The following RPS6KA2 variants were observed in gnomAD, a reference collection of about 807,000 sequenced individuals.
The protein encoded by RPS6KA2 is ribosomal protein S6 kinase alpha-2.
In RPS6KA2, 42 loss-of-function variants were observed where a neutral mutation model predicts 91.8. The observed-to-expected ratio is 0.46, with a 90% CI of 0.36 to 0.59. The LOEUF (loss-of-function observed/expected upper bound fraction) is 0.59, where lower values mean the gene tolerates loss of function less well. RPS6KA2 is among the 20% of genes least tolerant of loss of function. RPS6KA2 has a pLI of 0.00. For missense variants in RPS6KA2, 798 were observed against 978.5 expected (o/e 0.82, Z 2.46); for synonymous variants, 414 against 393.6 (o/e 1.05, Z -0.61).
At chr6:166,855,111 A>G (rs940376970) in intron 2 of RPS6KA2, among the ~76,000 whole-genome samples, 3 of 152,222 alleles carry the variant, frequency 2.0e-5, no homozygotes, top group African/African-American at 7.2e-5. Context: ...GTTCTCACTT[A>G]TAAGTGGGAC....
At chr6:166,684,110 C>T (rs1229761556) in intron 2 of RPS6KA2, among the ~76,000 whole-genome samples, 6 of 152,154 alleles carry the variant, frequency 3.9e-5, no homozygotes, top group Non-Finnish European at 8.8e-5. Context: ...GCCCAACCTC[C>T]CCAGTGAGGT....
At chr6:166,462,695 G>T (rs1293135800) in intron 11 of RPS6KA2, among the ~76,000 whole-genome samples, 1 of 152,158 alleles carries the variant, frequency 6.6e-6, no homozygotes, top group African/African-American at 2.4e-5. Flanking sequence ...TAGCACTTTT[G>T]TACCACACAA....
At chr6:166,464,622 G>A (rs1031381188) in intron 11 of RPS6KA2, among the ~76,000 whole-genome samples, 1 of 152,114 alleles carries the variant, frequency 6.6e-6, no homozygotes, top group South Asian at 2.1e-4. Flanking sequence ...AGACTGGCTT[G>A]TGCTGTCTGC....
In RPS6KA2 at chr6:166,648,083, C is replaced by CAT. The variant is rs1489033767; in HGVS notation, c.124-109301_124-109300dup. ...TCACACACATGCACACGCACATGGT[C>CAT]ATACACACACGCTCATACACACACG... On this transcript the variant is annotated intron_variant, in intron 2 of 21. Coordinates refer to the RPS6KA2 transcript ENST00000503859. The surrounding 1 kb of genome is among the most constrained non-coding windows in gnomAD (Gnocchi z 4.8). Among the ~76,000 whole-genome samples the CAT allele has an allele frequency of 2.0e-3, 303 of 149,614 alleles. No homozygotes were observed. Among genetic ancestry groups the CAT allele is most frequent in the Non-Finnish European group, 3.5e-3 (237 of 67,442 alleles).
chr6:166,849,953 C>T lies in RPS6KA2; in HGVS notation c.123+8247G>A, dbSNP rs1221005440. 1.6e-4 allele frequency among the ~76,000 whole-genome samples: 25 copies of T among 152,012 alleles called. No individual in the cohort carries two copies. The highest frequency in any genetic ancestry group is 1.5e-3 in the Admixed American group (23 of 15,250). On this transcript the variant is annotated intron_variant, in intron 2 of 21. Coordinates refer to the RPS6KA2 transcript ENST00000503859. This position sits in a 1 kb window ranked among gnomAD's most constrained non-coding sequence, Gnocchi z 4.9. ...GCCTCCACCAGAGAAGTGTGAGACT[C>T]CGGGTTCAGGAACGAGGGGCACTCA...
intron 2 of RPS6KA2, among the ~76,000 whole-genome samples, chr6:166,728,002 A>G (rs1029185953): frequency 1.3e-5 from 2 of 152,244 alleles, no homozygotes; most frequent in Admixed American, 6.5e-5. Flanking sequence ...TTCCCTTGTC[A>G]TCATTCCCTA....
intron 2 of RPS6KA2, among the ~76,000 whole-genome samples, chr6:166,822,555 T>C (rs1779930622): frequency 6.6e-6 from 1 of 152,196 alleles, no homozygotes; most frequent in Admixed American, 6.5e-5. Context: ...CTGTGGTCCC[T>C]GTCAGGGCAG....
intron 2 of RPS6KA2, among the ~76,000 whole-genome samples, chr6:166,710,446 G>A (rs554502122): frequency 2.6e-5 from 4 of 151,510 alleles, no homozygotes; most frequent in Middle Eastern, 3.4e-3. Context: ...GTATGTGTAC[G>A]GTGTTTGTGG....
intron 2 of RPS6KA2, among the ~76,000 whole-genome samples, chr6:166,712,224 G>T (rs1789883269): frequency 6.6e-6 from 1 of 152,172 alleles, no homozygotes; most frequent in African/African-American, 2.4e-5. Flanking sequence ...GGAGGGAAGG[G>T]TGCAAACTGT....
Position 166,737,900 on chromosome 6 carries a change from G to C in RPS6KA2, c.123+120300C>G, listed in dbSNP as rs75024802. On this transcript the variant is annotated intron_variant, in intron 2 of 21. Coordinates refer to the RPS6KA2 transcript ENST00000503859. This position sits in a 1 kb window ranked among gnomAD's most constrained non-coding sequence, Gnocchi z 4.3. ...AACGAAGCTATTTCTCATTGTGAAA[G>C]AAATAAAACATACAGAAAAGTATAC... Among the ~76,000 whole-genome samples, 2,569 of 152,242 alleles carry C rather than the reference G, an allele frequency of 0.017. 60 individuals carry two copies. Among genetic ancestry groups the C allele is most frequent in the East Asian group, 0.1 (531 of 5,188 alleles).
At position 166,479,212 on chromosome 6, in the gene RPS6KA2, C is replaced by T. The variant is rs116695296; in HGVS notation, c.908-9307G>A. Among the ~76,000 whole-genome samples, 295 of 152,368 alleles carry T rather than the reference C, an allele frequency of 1.9e-3. 2 individuals carry two copies. The highest frequency in any genetic ancestry group is 7.0e-3 in the African/African-American group (291 of 41,588). ...TGTTTGCTGTCAGAGAGCCCACGAG[C>T]ATGAGGGCCACACTTTGGCTTCACG... On this transcript the variant is annotated intron_variant, in intron 10 of 20. Transcript: ENST00000265678.
At chr6:166,430,222 C>A (rs540458064) in intron 16 of RPS6KA2, among the ~76,000 whole-genome samples, 1 of 152,140 alleles carries the variant, frequency 6.6e-6, no homozygotes, top group East Asian at 1.9e-4. Flanking sequence ...CCCGCCTTGG[C>A]CTCTCAAAGT....
intron 2 of RPS6KA2, among the ~76,000 whole-genome samples, chr6:166,692,197 G>C (rs1403362720): frequency 6.6e-6 from 1 of 152,060 alleles, no homozygotes; most frequent in Non-Finnish European, 1.5e-5. Flanking sequence ...AATAAGGGAA[G>C]AACAGAAGAG....
chr6:166,451,723 A>G (rs1015004596), intron 12 of RPS6KA2, among the ~76,000 whole-genome samples: 1 of 152,210 alleles, frequency 6.6e-6, no homozygotes, highest in Non-Finnish European at 1.5e-5. Flanking sequence ...TGTGCTGTGC[A>G]CGTGCTCTGC....
At chr6:166,818,851 A>G (rs1017223964) in intron 2 of RPS6KA2, among the ~76,000 whole-genome samples, 4 of 151,816 alleles carry the variant, frequency 2.6e-5, no homozygotes, top group African/African-American at 9.7e-5. Flanking sequence ...ATAACTGGAC[A>G]TGCCCTTATT....
chr6:166,421,064 G>A (rs73788298), intron 17 of RPS6KA2, among the ~76,000 whole-genome samples: 2,242 of 152,256 alleles, frequency 0.015, 43 homozygotes, highest in African/African-American at 0.05. Context: ...ACCAGCCAGC[G>A]CATGCTGAAT....
chr6:166,550,858 A>G lies in RPS6KA2; in HGVS notation c.100-12074T>C, dbSNP rs369640679. On this transcript the variant is annotated intron_variant, in intron 1 of 20. Coordinates refer to ENST00000265678, the MANE Select transcript of RPS6KA2 (RefSeq NM_021135.6). ...TCTACTAAAATACAAAAAATTAGCC[A>G]GGCGTGGTGGCGGGCGCCTGTAGTC... is the stretch of plus-strand genomic sequence containing the variant. 4.8e-3 allele frequency among the ~76,000 whole-genome samples: 730 copies of G among 151,964 alleles called. 4 individuals are homozygous for G. Among genetic ancestry groups the G allele is most frequent in the South Asian group, 0.015 (73 of 4,802 alleles).
At chr6:166,857,104 C>T (rs542681564) in intron 2 of RPS6KA2, among the ~76,000 whole-genome samples, 6 of 152,280 alleles carry the variant, frequency 3.9e-5, no homozygotes, top group East Asian at 3.9e-4. Flanking sequence ...TAAGATCCAG[C>T]GACACTTGGC....
chr6:166,751,408 G>A (rs906331481), intron 2 of RPS6KA2, among the ~76,000 whole-genome samples: 4 of 152,256 alleles, frequency 2.6e-5, no homozygotes, highest in Non-Finnish European at 5.9e-5. Flanking sequence ...TCAGCCAGCT[G>A]GGCTGTGGTC....
Sources: allele counts gnomAD v4.1 joint callset (sites outside exome capture counted in the v4.1 genomes callset), GRCh38; gene constraint gnomAD v4.1.1; non-coding constraint Gnocchi (gnomAD v3.1); transcripts MANE v1.5; gene names NCBI Gene and HGNC (gene_info 2026-07-23, HGNC 2026-07-21).